PCDHGB5: variants seen among roughly 807,000 people sequenced by gnomAD.
The protein encoded by PCDHGB5 is protocadherin gamma subfamily B, 5.
PCDHGB5 carries 48 observed loss-of-function variants against 62.9 expected under a neutral mutation model. The ratio of observed to expected loss-of-function variants is 0.76; its 90% CI spans 0.61 to 0.97. The LOEUF (loss-of-function observed/expected upper bound fraction) is 0.97, where lower values mean the gene tolerates loss of function less well. Ranked by LOEUF, PCDHGB5 falls within the 50% of genes least tolerant of loss-of-function variation. The probability of loss-of-function intolerance (pLI) is 0.00; values close to 1 mark genes in which losing one functional copy is unlikely to be tolerated. For synonymous variants in PCDHGB5, 474 were observed against 511.2 expected, an observed-to-expected ratio of 0.93 and a Z score of 0.98; for missense variants, 1,118 against 1,198.6, an observed-to-expected ratio of 0.93 and a Z score of 0.99.
Position 141,477,588 on chromosome 5 carries a change from G to T in PCDHGB5, c.2398-17219G>T. 1 of 1,614,152 alleles carries T rather than the reference G, an allele frequency of 6.2e-7. No individual in the cohort carries two copies. The highest frequency in any genetic ancestry group is 8.5e-7 in the Non-Finnish European group (1 of 1,180,040). ...GACCCCGACGCCCCGCAGAATGCTCGGCTTTCTTTCTTTCTCTTGGAGCAA... is the reference window on the plus strand; with the variant it reads ...GACCCCGACGCCCCGCAGAATGCTCTGCTTTCTTTCTTTCTCTTGGAGCAA... On this transcript the variant is annotated intron_variant, in intron 1 of 3. Coordinates refer to ENST00000617380, the MANE Select transcript of PCDHGB5 (RefSeq NM_018925.3). This position sits in a 1 kb window ranked among gnomAD's most constrained non-coding sequence, Gnocchi z 4.9.
intron 1 of PCDHGB5, chr5:141,413,463 G>A: frequency 6.2e-7 from 1 of 1,614,128 alleles, no homozygotes; most frequent in African/African-American, 1.3e-5. Flanking sequence ...GGATAGACCG[G>A]GAGGAGCTCT....
chr5:141,423,751 G>GT, intron 1 of PCDHGB5: 12 of 349,026 alleles, frequency 3.4e-5, no homozygotes, highest in Non-Finnish European at 4.3e-5. Context: ...AAAACTGTTT[G>GT]GGGGGGGGGT....
chr5:141,446,532 A>G (rs1443843436), intron 1 of PCDHGB5, among the ~76,000 whole-genome samples: 1 of 151,788 alleles, frequency 6.6e-6, no homozygotes, highest in Non-Finnish European at 1.5e-5. Flanking sequence ...GCTGGAGTGC[A>G]GTGGCCCTAT....
In PCDHGB5 at chr5:141,490,670, C is replaced by A. The variant is rs1003577285; in HGVS notation, c.2398-4137C>A. ...CCGGGCTCCCTTCTTTGCACTGTGG[C>A]TGCCTCAGATCCAGACACTGGGGAT... On this transcript the variant is annotated intron_variant, in intron 1 of 3. Coordinates refer to ENST00000617380, the MANE Select transcript of PCDHGB5 (RefSeq NM_018925.3). This position sits in a 1 kb window ranked among gnomAD's most constrained non-coding sequence, Gnocchi z 5.4. 4 of 1,614,194 alleles carry A rather than the reference C, an allele frequency of 2.5e-6. No homozygotes were observed. The highest frequency in any genetic ancestry group is 3.4e-6 in the Non-Finnish European group (4 of 1,179,986).
chr5:141,505,334 G>T, intron 2 of PCDHGB5, 59 bp from the exon 3 acceptor site: 1 of 1,611,326 alleles, frequency 6.2e-7, no homozygotes, highest in Non-Finnish European at 8.5e-7. Context: ...GAGAGGACAG[G>T]AGGGGCATGA....
rs1193417991 is a variant in PCDHGB5 at position 141,491,413 on chromosome 5, G to C, written c.2398-3394G>C. 5.0e-6 allele frequency: 8 copies of C among 1,613,946 alleles called. No individual in the cohort carries two copies. Among genetic ancestry groups the C allele is most frequent in the African/African-American group, 1.3e-5 (1 of 74,906 alleles). ...CCTTCAGGGAAACGCAGACGGGGAC[G>C]GGGGTGGAGGGCAGTGCTGCAGGCG... On this transcript the variant is annotated intron_variant, in intron 1 of 3. Transcript: ENST00000617380. The surrounding 1 kb of genome is among the most constrained non-coding windows in gnomAD (Gnocchi z 6.9).
At chr5:141,426,756 G>C in intron 1 of PCDHGB5, 1 of 456,302 alleles carries the variant, frequency 2.2e-6, no homozygotes, top group Non-Finnish European at 4.4e-6. Context: ...ATCTGCTATA[G>C]ATGCAGATGT....
At chr5:141,416,186 T>G (rs904230611) in intron 1 of PCDHGB5, 2 of 152,474 alleles carry the variant, frequency 1.3e-5, no homozygotes, top group African/African-American at 4.8e-5. Flanking sequence ...TTCATTAATA[T>G]TGAATTAACA....
At chr5:141,502,866 C>CTTTTTTTTTTTTTTTT (rs549047197) in intron 2 of PCDHGB5, among the ~76,000 whole-genome samples, 4 of 128,044 alleles carry the variant, frequency 3.1e-5, no homozygotes, top group African/African-American at 3.1e-5. Context: ...GACTCTCTGT[C>CTTTTTTTTTTTTTTTT]TTTTTTTTTT....
At chr5:141,498,467 G>C (rs535351060) in intron 2 of PCDHGB5, among the ~76,000 whole-genome samples, 1 of 152,116 alleles carries the variant, frequency 6.6e-6, no homozygotes, top group East Asian at 1.9e-4. Context: ...GTCTAACCCT[G>C]GTTCCAGCCT....
In PCDHGB5 at chr5:141,431,024, A is replaced by G; in HGVS notation, c.2397+30500A>G. ...CAGCGGCAGCTTGGTCACGGCGGGCAGGATAGACCGGGAGGAGCTCTGTAT... is the reference window on the plus strand; with the variant it reads ...CAGCGGCAGCTTGGTCACGGCGGGCGGGATAGACCGGGAGGAGCTCTGTAT... On this transcript the variant is annotated intron_variant, in intron 1 of 3. Transcript: ENST00000617380. The surrounding 1 kb of genome is among the most constrained non-coding windows in gnomAD (Gnocchi z 4.8). 2.5e-6 allele frequency: 4 copies of G among 1,614,024 alleles called. No homozygotes were observed. The highest frequency in any genetic ancestry group is 3.4e-6 in the Non-Finnish European group (4 of 1,179,926).
chr5:141,408,849 A>G (rs764977493), intron 1 of PCDHGB5: 1 of 1,613,610 alleles, frequency 6.2e-7, no homozygotes, highest in South Asian at 1.1e-5. Context: ...ACTGCCTTGG[A>G]CGGAGGGGAC....
intron 1 of PCDHGB5, among the ~76,000 whole-genome samples, chr5:141,469,186 G>T (rs536021769): frequency 6.6e-6 from 1 of 151,978 alleles, no homozygotes; most frequent in Admixed American, 6.6e-5. Flanking sequence ...TGAGGCAAGA[G>T]GATTGCTTGA....
chr5:141,413,166 C>A (rs758193163), intron 1 of PCDHGB5: 3 of 1,590,396 alleles, frequency 1.9e-6, no homozygotes, highest in South Asian at 2.3e-5. Flanking sequence ...AATTCTGTAA[C>A]CAGACTACAA....
At position 141,432,025 on chromosome 5, in the gene PCDHGB5, G is replaced by C. The variant is rs768627576; in HGVS notation, c.2397+31501G>C. 2 of 1,614,158 alleles carry C rather than the reference G, an allele frequency of 1.2e-6. No homozygotes were observed. The highest frequency in any genetic ancestry group is 3.3e-4 in the Middle Eastern group (2 of 6,062). ...AGGTTCCTAGCTACAACATCACAGTGACCGCCACTGACCGGGGAACCCCGC... is the reference window on the plus strand; with the variant it reads ...AGGTTCCTAGCTACAACATCACAGTCACCGCCACTGACCGGGGAACCCCGC... On this transcript the variant is annotated intron_variant, in intron 1 of 3. Transcript: ENST00000617380. The surrounding 1 kb of genome is among the most constrained non-coding windows in gnomAD (Gnocchi z 6.0).
At position 141,432,325 on chromosome 5, in the gene PCDHGB5, C is replaced by A; in HGVS notation, c.2397+31801C>A. 6.2e-7 allele frequency: 1 copy of A among 1,614,260 alleles called. No individual in the cohort carries two copies. The highest frequency in any genetic ancestry group is 1.1e-5 in the South Asian group (1 of 91,092). On this transcript the variant is annotated intron_variant, in intron 1 of 3. Transcript: ENST00000617380. The surrounding 1 kb of genome is among the most constrained non-coding windows in gnomAD (Gnocchi z 6.0). The stretch of plus-strand genomic sequence containing the variant: ...TGTATGCGCTGAGCTCCTTCGACTA[C>A]GAGCAGTTCCGAGACTTGCAAGTGA...
chr5:141,479,733 A>G (rs2099504879), intron 1 of PCDHGB5: 1 of 152,254 alleles, frequency 6.6e-6, no homozygotes, highest in Admixed American at 6.5e-5. Context: ...TTTCTTAAGT[A>G]TATGCACAAT....
At chr5:141,423,707 G>A in intron 1 of PCDHGB5, 1 of 1,164,238 alleles carries the variant, frequency 8.6e-7, no homozygotes, top group Non-Finnish European at 1.1e-6. Flanking sequence ...CTTGGCACAA[G>A]TCTTTTAAGG....
chr5:141,428,168 C>A, intron 1 of PCDHGB5: 1 of 1,551,608 alleles, frequency 6.4e-7, no homozygotes, highest in Non-Finnish European at 8.8e-7. Context: ...GGTTGCTGTG[C>A]GTGACGGAGG....
Sources: gnomAD v4.1 joint callset for allele counts (sites outside exome capture counted in the v4.1 genomes callset) on GRCh38, gnomAD v4.1.1 for gene constraint, Gnocchi (gnomAD v3.1) non-coding constraint, MANE v1.5 for transcripts, NCBI Gene and HGNC (gene_info 2026-07-23, HGNC 2026-07-21) for gene names.